PPP1R13B: variants seen among roughly 807,000 people sequenced by gnomAD.
PPP1R13B encodes protein phosphatase 1 regulatory subunit 13B.
In PPP1R13B, 44 loss-of-function variants were observed where a neutral mutation model predicts 119.8. The observed-to-expected ratio is 0.37, with a 90% CI of 0.29 to 0.47. The LOEUF is 0.47. Among genes scored for constraint, PPP1R13B ranks in the 20% least tolerant of loss-of-function variants. The pLI is 0.99. For synonymous variants in PPP1R13B, 542 were observed against 561.5 expected (o/e 0.97, Z 0.49); for missense variants, 1,227 against 1,413.5 (o/e 0.87, Z 2.12).
chr14:103,845,485 G>T (rs1471304083), intron 1 of PPP1R13B, among the ~76,000 whole-genome samples: 2 of 152,118 alleles, frequency 1.3e-5, no homozygotes, highest in Admixed American at 1.3e-4. Context: ...TTAAAAAACA[G>T]TATTTTATTG....
At chr14:103,765,956 C>T (rs1042830990) in intron 4 of PPP1R13B, among the ~76,000 whole-genome samples, 2 of 150,898 alleles carry the variant, frequency 1.3e-5, no homozygotes, top group African/African-American at 4.9e-5. Context: ...TTAGATGATG[C>T]TTACAAAAAC....
chr14:103,740,517 C>A lies in PPP1R13B; in HGVS notation c.1899G>T (p.Thr633=), dbSNP rs3742368. 1 of 1,595,728 alleles carries A rather than the reference C, an allele frequency of 6.3e-7. No homozygotes were observed. ...AAGGTGGCTGAGGCTGTGGTGTGCC[C>A]GTGGACAGTGACCCGTGAAGAAACG... ...PLPFLHGSLS[T]GTPQPQPPSE... Residue 633 remains threonine, a synonymous_variant, in exon 12 of 17, where the codon ACG becomes ACT. Transcript: ENST00000202556. The surrounding 1 kb of genome is among the most constrained non-coding windows in gnomAD (Gnocchi z 4.6).
intron 9 of PPP1R13B, among the ~76,000 whole-genome samples, chr14:103,745,882 T>G (rs531029957): frequency 4.6e-5 from 7 of 152,322 alleles, no homozygotes; most frequent in Non-Finnish European, 8.8e-5. Flanking sequence ...ACGATCTCAC[T>G]GCAACCTCCG....
intron 1 of PPP1R13B, among the ~76,000 whole-genome samples, chr14:103,832,356 C>T (rs1188012972): frequency 6.6e-6 from 1 of 152,164 alleles, no homozygotes. Flanking sequence ...TGTATGATTT[C>T]CAGTCTGAGA....
chr14:103,816,107 C>G (rs915123853), intron 1 of PPP1R13B, among the ~76,000 whole-genome samples: 4 of 151,970 alleles, frequency 2.6e-5, no homozygotes, highest in African/African-American at 9.6e-5. Flanking sequence ...AAAAAACTAG[C>G]TATGCCAAGT....
intron 2 of PPP1R13B, 122 bp downstream of exon 2, chr14:103,797,249 T>C (rs376679962): frequency 2.3e-6 from 2 of 888,728 alleles, no homozygotes; most frequent in East Asian, 2.6e-5. Flanking sequence ...CTAAATTATA[T>C]GTACTTAGTT....
intron 1 of PPP1R13B, among the ~76,000 whole-genome samples, chr14:103,807,259 C>G (rs983594891): frequency 2.0e-5 from 3 of 152,210 alleles, no homozygotes; most frequent in African/African-American, 7.2e-5. Flanking sequence ...AACCGAGAGT[C>G]TACCTAAAAT....
intron 4 of PPP1R13B, among the ~76,000 whole-genome samples, chr14:103,767,916 T>A (rs933868569): frequency 6.6e-6 from 1 of 152,212 alleles, no homozygotes; most frequent in Non-Finnish European, 1.5e-5. Context: ...ACACTTTTCA[T>A]ACTAGCATGA....
chr14:103,756,158 G>A (rs946171646), intron 5 of PPP1R13B, among the ~76,000 whole-genome samples: 1 of 151,550 alleles, frequency 6.6e-6, no homozygotes, highest in Non-Finnish European at 1.5e-5. Context: ...GCAATGGCGC[G>A]ATCTCAGCTC....
chr14:103,831,892 T>C (rs2086671907), intron 1 of PPP1R13B, among the ~76,000 whole-genome samples: 1 of 151,446 alleles, frequency 6.6e-6, no homozygotes, highest in Non-Finnish European at 1.5e-5. Context: ...GCCGAGACCA[T>C]GCCACTGTAC....
At chr14:103,811,211 CCA>C (rs2086148206) in intron 1 of PPP1R13B, among the ~76,000 whole-genome samples, 1 of 151,586 alleles carries the variant, frequency 6.6e-6, no homozygotes, top group South Asian at 2.1e-4. Context: ...GAATTTTAAA[CCA>C]CAGACTATGA....
intron 1 of PPP1R13B, among the ~76,000 whole-genome samples, chr14:103,822,715 A>T (rs1348922878): frequency 1.3e-5 from 2 of 152,120 alleles, no homozygotes; most frequent in Middle Eastern, 3.2e-3. Context: ...GGGGAGGCTG[A>T]GGCAAAAGAA....
intron 8 of PPP1R13B, among the ~76,000 whole-genome samples, chr14:103,748,806 T>C (rs1279817353): frequency 6.6e-6 from 1 of 152,188 alleles, no homozygotes; most frequent in Non-Finnish European, 1.5e-5. Context: ...TAAAGGGGTA[T>C]AGGCCCTGGG....
intron 1 of PPP1R13B, among the ~76,000 whole-genome samples, chr14:103,806,117 C>T (rs1232487821): frequency 1.3e-5 from 2 of 152,000 alleles, no homozygotes; most frequent in African/African-American, 2.4e-5. Context: ...TACAAAGAAC[C>T]CTGGAATAGG....
chr14:103,734,561 A>G lies in PPP1R13B; in HGVS notation c.*593T>C, dbSNP rs984691073. 1 of 456,380 alleles carries G rather than the reference A, an allele frequency of 2.2e-6. No homozygotes were observed. The highest frequency in any genetic ancestry group is 2.0e-5 in the African/African-American group (1 of 50,076). The allele number at this position is 456,380 out of a possible 1,614,324, so 28.3% of individuals were successfully genotyped here. On this transcript the variant is annotated 3_prime_UTR_variant, in exon 17 of 17. Coordinates refer to ENST00000202556, the MANE Select transcript of PPP1R13B (RefSeq NM_015316.3). ...GGCCTGCACAATCAGCCTTTAGGTG[A>G]ACTGGAACAGGAAGCGGAACCCCCA...
At chr14:103,783,531 C>T (rs1204932844) in intron 3 of PPP1R13B, among the ~76,000 whole-genome samples, 2 of 152,046 alleles carry the variant, frequency 1.3e-5, no homozygotes, top group Non-Finnish European at 2.9e-5. Context: ...GGATTATAGG[C>T]GTGAGCCACC....
chr14:103,806,208 T>C (rs1156312441), intron 1 of PPP1R13B, among the ~76,000 whole-genome samples: 3 of 152,298 alleles, frequency 2.0e-5, no homozygotes, highest in African/African-American at 2.4e-5. Flanking sequence ...TCTCTGGGTC[T>C]TGGTTTCTTG....
At chr14:103,772,830 C>T (rs1324593802) in intron 4 of PPP1R13B, among the ~76,000 whole-genome samples, 2 of 152,050 alleles carry the variant, frequency 1.3e-5, no homozygotes, top group East Asian at 3.9e-4. Context: ...CCATGCTGGG[C>T]TAATTTTTGT....
intron 12 of PPP1R13B, 96 bp from the exon 13 acceptor site, chr14:103,739,119 A>G: frequency 1.3e-6 from 2 of 1,507,748 alleles, no homozygotes; most frequent in Non-Finnish European, 1.8e-6. Flanking sequence ...CTAAAGCCCA[A>G]AGACAGTGGC....
Sources: gnomAD v4.1 joint callset for allele counts (sites outside exome capture counted in the v4.1 genomes callset) on GRCh38, gnomAD v4.1.1 for gene constraint, Gnocchi (gnomAD v3.1) non-coding constraint, MANE v1.5 for transcripts, NCBI Gene and HGNC (gene_info 2026-07-23, HGNC 2026-07-21) for gene names.